LAMA3: variants seen among roughly 807,000 people sequenced by gnomAD.
LAMA3 encodes the protein laminin subunit alpha-3.
A neutral mutation model predicts 402.0 loss-of-function variants in LAMA3; 281 were observed. That is an observed-to-expected ratio of 0.70 (90% CI 0.63 to 0.77). The LOEUF (loss-of-function observed/expected upper bound fraction) is 0.77, where lower values mean the gene tolerates loss of function less well. Among genes scored for constraint, LAMA3 ranks in the 30% least tolerant of loss-of-function variants. The pLI is 0.00. For synonymous variants in LAMA3, 1,431 were observed against 1,558.4 expected, an observed-to-expected ratio of 0.92 and a Z score of 1.93; for missense variants, 3,840 against 4,215.5, an observed-to-expected ratio of 0.91 and a Z score of 2.47.
chr18:23,909,005 G>C, intron 54 of LAMA3, 148 bp from the exon 55 acceptor site: 1 of 739,138 alleles, frequency 1.4e-6, no homozygotes, highest in South Asian at 1.5e-5. Context: ...ATGGGTAAGG[G>C]GGGAACTACC....
intron 7 of LAMA3, among the ~76,000 whole-genome samples, chr18:23,759,256 G>A (rs978628768): frequency 6.7e-6 from 1 of 149,380 alleles, no homozygotes; most frequent in South Asian, 2.1e-4. Context: ...AGAATGGCTT[G>A]AGCCCAAGAG....
chr18:23,704,304 A>G lies in LAMA3; in HGVS notation c.295-9616A>G, dbSNP rs182697688. ...ATTCCAGGGCTGTTTCACACCGTCC[A>G]AATCTAAGACAGCACCTTTTGATGT... On this transcript the variant is annotated intron_variant, in intron 1 of 74. Transcript: ENST00000313654. Among the ~76,000 whole-genome samples, 589 of 152,306 alleles carry G rather than the reference A, an allele frequency of 3.9e-3. 5 individuals carry two copies. The highest frequency in any genetic ancestry group is 0.014 in the African/African-American group (565 of 41,566).
intron 47 of LAMA3, 96 bp downstream of exon 47, chr18:23,899,551 AG>A: frequency 7.9e-7 from 1 of 1,259,116 alleles, no homozygotes; most frequent in Non-Finnish European, 1.1e-6. Flanking sequence ...TATAGGTGGA[AG>A]GCCTCATGGT....
Position 23,954,826 on chromosome 18 carries a change from G to A in LAMA3, c.*178G>A. 1.6e-6 allele frequency: 1 copy of A among 635,680 alleles called. No individual in the cohort carries two copies. The highest frequency in any genetic ancestry group is 2.8e-6 in the Non-Finnish European group (1 of 359,482). 39.4% of individuals were successfully genotyped at this position (635,680 alleles called of 1,614,324 possible). A position where few individuals can be genotyped will look rare whatever the true frequency, so the allele number is the denominator to read the frequency against. On this transcript the variant is annotated 3_prime_UTR_variant, in exon 75 of 75. Coordinates refer to ENST00000313654, the MANE Select transcript of LAMA3 (RefSeq NM_198129.4). Reference sequence around the variant, plus strand: ...ATCACTTTGGCATTCAGTGCTACATGTGTATTTTATATAAAAATCCCATTT... The same window carrying A: ...ATCACTTTGGCATTCAGTGCTACATATGTATTTTATATAAAAATCCCATTT...
intron 8 of LAMA3, among the ~76,000 whole-genome samples, chr18:23,769,194 C>A (rs914903149): frequency 1.3e-5 from 2 of 152,062 alleles, no homozygotes; most frequent in African/African-American, 4.8e-5. Context: ...ACCTACCTTC[C>A]CAACCCCTCT....
At chr18:23,798,379 C>T (rs766309921) in intron 12 of LAMA3, among the ~76,000 whole-genome samples, 8 of 152,164 alleles carry the variant, frequency 5.3e-5, no homozygotes, top group Non-Finnish European at 1.2e-4. Flanking sequence ...TTGTGGTATC[C>T]GGTCTTTCTT....
intron 1 of LAMA3, among the ~76,000 whole-genome samples, chr18:23,691,867 C>T (rs552911322): frequency 7.2e-5 from 11 of 152,248 alleles, no homozygotes; most frequent in East Asian, 3.9e-4. Flanking sequence ...CCACTGCACC[C>T]GGCCTGATTT....
At position 23,842,497 on chromosome 18, in the gene LAMA3, G is replaced by A. The variant is rs777645674; in HGVS notation, c.3439G>A (p.Val1147Met). ...AHPTFPAQVS[V>M]DGGWPRAGSF... The stretch of plus-strand genomic sequence containing the variant: ...CCCGACGTTTCCCGCGCAGGTGTCG[G>A]TGGATGGCGGGTGGCCACGGGCAGG... Residue 1147 changes from valine (V) to methionine (M), a missense_variant, in exon 28 of 75, where the codon GTG becomes ATG. Around this residue, in one of 3 missense-constraint regions of LAMA3, gnomAD observed 2,109 missense variants for 2,376.0 expected, o/e 0.89. Coordinates refer to ENST00000313654, the MANE Select transcript of LAMA3 (RefSeq NM_198129.4). The A allele has an allele frequency of 1.2e-6, 2 of 1,614,246 alleles. No homozygotes were observed. Among genetic ancestry groups the A allele is most frequent in the Non-Finnish European group, 1.7e-6 (2 of 1,180,044 alleles).
intron 32 of LAMA3, among the ~76,000 whole-genome samples, chr18:23,850,817 C>T (rs1283696540): frequency 9.8e-5 from 15 of 152,376 alleles, no homozygotes. Context: ...CTTTATCCAT[C>T]TGTGTCAGAC....
At chr18:23,749,133 T>A (rs1205309452) in intron 3 of LAMA3, among the ~76,000 whole-genome samples, 5 of 152,262 alleles carry the variant, frequency 3.3e-5, no homozygotes, top group Non-Finnish European at 7.3e-5. Context: ...ATTTTGCTTA[T>A]AAAGGCATTG....
chr18:23,785,066 C>G lies in LAMA3; in HGVS notation c.1603+909C>G, dbSNP rs528576888. Among the ~76,000 whole-genome samples the G allele has an allele frequency of 7.2e-4, 109 of 152,302 alleles. 1 individual carries two copies. The highest frequency in any genetic ancestry group is 1.1e-3 in the Non-Finnish European group (73 of 68,034). On this transcript the variant is annotated intron_variant, in intron 12 of 74. Coordinates refer to ENST00000313654, the MANE Select transcript of LAMA3 (RefSeq NM_198129.4). ...GGTTTTAAGCCCAGACTGCTATGTC[C>G]CAGTGCAAGGATGGGAAGCCCATGG...
chr18:23,937,129 G>A (rs1209156458), intron 67 of LAMA3, among the ~76,000 whole-genome samples: 1 of 152,072 alleles, frequency 6.6e-6, no homozygotes, highest in African/African-American at 2.4e-5. Context: ...ACTTTGGGAG[G>A]CCAAGGCAGG....
At chr18:23,904,946 A>G (rs1259092550) in intron 51 of LAMA3, among the ~76,000 whole-genome samples, 2 of 152,210 alleles carry the variant, frequency 1.3e-5, no homozygotes, top group Non-Finnish European at 2.9e-5. Context: ...CTGAACAAAT[A>G]TTATATCCTA....
rs750151071 is a variant in LAMA3 at position 23,871,595 on chromosome 18, T to A, written c.4932T>A (p.Ser1644Arg). 9.3e-6 allele frequency: 15 copies of A among 1,613,996 alleles called. No homozygotes were observed. The highest frequency in any genetic ancestry group is 1.3e-5 in the Non-Finnish European group (15 of 1,179,984). The change falls in exon 38 of 75, where the codon AGT becomes AGA. Residue 1644 changes from serine (S) to arginine (R), a missense_variant. By Grantham distance (110) the Ser-to-Arg change is moderately radical (BLOSUM62 -1). Around this residue, in one of 3 missense-constraint regions of LAMA3, gnomAD observed 2,109 missense variants for 2,376.0 expected, o/e 0.89. Coordinates refer to ENST00000313654, the MANE Select transcript of LAMA3 (RefSeq NM_198129.4). ...TAGAGGAAGCCTCTGACACAGGAAG[T>A]GGGCGCATAGCACTTGCTGTGGAAA... ...VGLEEASDTG[S>R]GRIALAVEIC...
At chr18:23,948,758 C>T (rs377260205) in intron 70 of LAMA3, among the ~76,000 whole-genome samples, 9 of 152,072 alleles carry the variant, frequency 5.9e-5, no homozygotes, top group Admixed American at 2.6e-4. Context: ...TTAGTAGAGA[C>T]GGGGTTTCAC....
rs2081181349 is a variant in LAMA3, at chr18:23,904,584, G to A, written c.6505G>A (p.Val2169Met). 6.2e-7 allele frequency: 1 copy of A among 1,608,028 alleles called. No individual in the cohort carries two copies. The highest frequency in any genetic ancestry group is 8.5e-7 in the Non-Finnish European group (1 of 1,177,490). The stretch of plus-strand genomic sequence containing the variant: ...GAGAAACGCCAGCGGGGATGAGCTG[G>A]TGCGCTGTGCTGTGGATGCCGCCAC... ...IKRNASGDEL[V>M]RCAVDAATAY... The change falls in exon 51 of 75, where the codon GTG (valine) becomes ATG (methionine). Residue 2169 changes from valine to methionine, a missense_variant. Physicochemically the swap from Val to Met is conservative, Grantham distance 21. Coordinates refer to ENST00000313654, the MANE Select transcript of LAMA3 (RefSeq NM_198129.4).
chr18:23,764,815 A>G (rs2062042670), intron 8 of LAMA3, among the ~76,000 whole-genome samples: 1 of 152,188 alleles, frequency 6.6e-6, no homozygotes, highest in Non-Finnish European at 1.5e-5. Flanking sequence ...TTTATATTAT[A>G]TTGATAATCA....
chr18:23,827,270 C>G (rs2063401550), intron 22 of LAMA3, 44 bp from the exon 23 acceptor site: 1 of 1,604,062 alleles, frequency 6.2e-7, no homozygotes, highest in South Asian at 1.1e-5. Flanking sequence ...GTTTGATGTT[C>G]TCAGTTGTAA....
chr18:23,921,684 A>T, intron 62 of LAMA3, 99 bp downstream of exon 62: 1 of 1,190,944 alleles, frequency 8.4e-7, no homozygotes, highest in African/African-American at 1.5e-5. Context: ...CCACCAACAA[A>T]CAAACACAAA....
Sources: allele counts gnomAD v4.1 joint callset (sites outside exome capture counted in the v4.1 genomes callset), GRCh38; gene constraint gnomAD v4.1.1; regional missense constraint gnomAD v4.1.1; transcripts MANE v1.5; gene names NCBI Gene and HGNC (gene_info 2026-07-23, HGNC 2026-07-21).